PIGL: variants seen among roughly 807,000 people sequenced by gnomAD.
The protein encoded by PIGL is N-acetylglucosaminyl-phosphatidylinositol de-N-acetylase.
Under a neutral mutation model 31.1 loss-of-function variants are expected in PIGL, and 22 were observed. That is an observed-to-expected ratio of 0.71 (90% CI 0.51 to 1.01). The LOEUF (loss-of-function observed/expected upper bound fraction) is 1.01. Among genes scored for constraint, PIGL ranks in the 50% least tolerant of loss-of-function variants. The pLI, the probability that PIGL is intolerant of heterozygous loss-of-function variation, is 0.00. For missense variants in PIGL, 302 were observed against 315.9 expected (o/e 0.96, Z 0.33); for synonymous variants, 131 against 117.4 (o/e 1.12, Z -0.75).
chr17:16,273,645 G>C (rs2092881617), intron 2 of PIGL, among the ~76,000 whole-genome samples: 1 of 152,100 alleles, frequency 6.6e-6, no homozygotes, highest in East Asian at 1.9e-4. Context: ...TTCTAGTGCT[G>C]CTACAGAGGT....
At chr17:16,217,632 T>TA in intron 1 of PIGL, 171 bp downstream of exon 1, 6 of 540,078 alleles carry the variant, frequency 1.1e-5, no homozygotes, top group Admixed American at 3.5e-5. Flanking sequence ...CCGGCTTACC[T>TA]GGTGGGTTGG....
chr17:16,317,520 T>C, intron 5 of PIGL: 2 of 1,230,072 alleles, frequency 1.6e-6, no homozygotes, highest in Non-Finnish European at 2.0e-6. Context: ...TCTCAACCTC[T>C]AGCAGCCAAC....
chr17:16,272,425 T>C (rs1480579835), intron 2 of PIGL, among the ~76,000 whole-genome samples: 1 of 152,234 alleles, frequency 6.6e-6, no homozygotes, highest in Non-Finnish European at 1.5e-5. Flanking sequence ...ATTTGGGTTC[T>C]TTCCATATTT....
intron 1 of PIGL, among the ~76,000 whole-genome samples, chr17:16,225,383 CTTTTTTTT>C (rs948575134): frequency 2.0e-5 from 2 of 97,566 alleles, no homozygotes; most frequent in Non-Finnish European, 4.1e-5. Context: ...AAGCACGTTT[CTTTTTTTT>C]TTTTTTTTTT....
chr17:16,221,809 C>T (rs1167500990), intron 1 of PIGL, among the ~76,000 whole-genome samples: 2 of 152,098 alleles, frequency 1.3e-5, no homozygotes, highest in Non-Finnish European at 2.9e-5. Flanking sequence ...TTAGTAGAGA[C>T]AGGGTTTCAC....
intron 2 of PIGL, among the ~76,000 whole-genome samples, chr17:16,289,840 G>A (rs997049311): frequency 2.0e-5 from 3 of 152,020 alleles, no homozygotes; most frequent in African/African-American, 7.3e-5. Context: ...GCAGTGGCAC[G>A]ATCTTGGCTC....
At chr17:16,243,012 T>A (rs2092729616) in intron 2 of PIGL, among the ~76,000 whole-genome samples, 1 of 152,152 alleles carries the variant, frequency 6.6e-6, no homozygotes, top group African/African-American at 2.4e-5. Flanking sequence ...TGACAACATA[T>A]CCAGTGTTTA....
intron 4 of PIGL, 87 bp from the exon 5 acceptor site, chr17:16,316,594 T>C (rs2093078111): frequency 7.5e-7 from 1 of 1,326,442 alleles, no homozygotes; most frequent in East Asian, 2.3e-5. Context: ...ACCATGGGCA[T>C]GGCAGCCTTT....
chr17:16,217,609 G>A (rs2092595943), intron 1 of PIGL, 148 bp downstream of exon 1: 2 of 631,016 alleles, frequency 3.2e-6, no homozygotes, highest in South Asian at 2.2e-5. Context: ...TCACAGCCTA[G>A]GGACAGGAGC....
chr17:16,323,250 T>C lies in PIGL; in HGVS notation c.661-2550T>C, dbSNP rs200033081. ...TATATGTGGTCTTTTTTTTTTTTTC[T>C]GAGACAGAGTTTCACTCTTGGTGCC... On this transcript the variant is annotated intron_variant, in intron 6 of 6. Coordinates refer to ENST00000225609, the MANE Select transcript of PIGL (RefSeq NM_004278.4). Among the ~76,000 whole-genome samples, 15 of 151,880 alleles carry C rather than the reference T, an allele frequency of 9.9e-5. No homozygotes were observed. In the East Asian group the frequency reaches 2.7e-3, roughly 27 times the overall value.
At chr17:16,270,716 G>A (rs2092867905) in intron 2 of PIGL, among the ~76,000 whole-genome samples, 1 of 151,952 alleles carries the variant, frequency 6.6e-6, no homozygotes. Context: ...GGCCGACATG[G>A]TGAAACCCCA....
At chr17:16,281,738 G>A (rs1340260487) in intron 2 of PIGL, among the ~76,000 whole-genome samples, 1 of 152,128 alleles carries the variant, frequency 6.6e-6, no homozygotes, top group Admixed American at 6.5e-5. Flanking sequence ...ACTGATATTG[G>A]CAAATTTTTA....
At chr17:16,274,805 G>A (rs2092887506) in intron 2 of PIGL, among the ~76,000 whole-genome samples, 1 of 151,882 alleles carries the variant, frequency 6.6e-6, no homozygotes, top group South Asian at 2.1e-4. Flanking sequence ...GCCGAGGGGG[G>A]CGGATCACCT....
In PIGL at chr17:16,217,327, G is replaced by A. The variant is rs1189440419; in HGVS notation, c.101G>A (p.Gly34Glu). The change falls in exon 1 of 7, where the codon GGA (glycine) becomes GAA (glutamate). Residue 34 changes from glycine (G) to glutamate (E), a missense_variant. Transcript: ENST00000225609. ...SSERMKSREQ[G>E]GRLGAESRTL... ...GAACGAATGAAGAGTCGGGAGCAGG[G>A]AGGACGGCTGGGAGCCGAAAGCCGG... 5.6e-6 allele frequency: 9 copies of A among 1,614,102 alleles called. No homozygotes were observed. Among genetic ancestry groups the A allele is most frequent in the Non-Finnish European group, 7.6e-6 (9 of 1,180,048 alleles).
At chr17:16,229,481 C>CTTTTTTTTT (rs71353784) in intron 1 of PIGL, among the ~76,000 whole-genome samples, 2 of 114,220 alleles carry the variant, frequency 1.8e-5, no homozygotes, top group African/African-American at 3.3e-5. Context: ...ACCGGTTTTC[C>CTTTTTTTTT]TTTTTTTTTT....
intron 3 of PIGL, among the ~76,000 whole-genome samples, chr17:16,304,088 C>A (rs1238832503): frequency 2.6e-5 from 4 of 152,188 alleles, no homozygotes; most frequent in African/African-American, 2.4e-5. Context: ...GGAATAATTT[C>A]TCTGGCCTGC....
intron 2 of PIGL, among the ~76,000 whole-genome samples, chr17:16,240,738 C>A (rs1371945946): frequency 1.3e-5 from 2 of 151,872 alleles, no homozygotes; most frequent in Admixed American, 6.6e-5. Flanking sequence ...TGGACTCAAG[C>A]AGTCTCCCAC....
intron 2 of PIGL, among the ~76,000 whole-genome samples, chr17:16,252,070 T>TTTTTTTC (rs2092774732): frequency 3.0e-5 from 2 of 67,232 alleles, no homozygotes; most frequent in South Asian, 3.7e-4. Flanking sequence ...TTTTTCCTTT[T>TTTTTTTC]TTTTTTTTTC....
chr17:16,241,063 G>T (rs191739230), intron 2 of PIGL, among the ~76,000 whole-genome samples: 4 of 124,272 alleles, frequency 3.2e-5, no homozygotes, highest in African/African-American at 1.2e-4. Context: ...GCAGTGAGCC[G>T]AAATCACGCC....
Sources: allele counts gnomAD v4.1 joint callset (sites outside exome capture counted in the v4.1 genomes callset), GRCh38; gene constraint gnomAD v4.1.1; transcripts MANE v1.5; gene names NCBI Gene and HGNC (gene_info 2026-07-23, HGNC 2026-07-21).